The following CHRM3 variants were observed in gnomAD, a reference collection of about 807,000 sequenced individuals.
CHRM3 encodes muscarinic acetylcholine receptor M3.
Under a neutral mutation model 41.8 loss-of-function variants are expected in CHRM3, and 11 were observed. That is an observed-to-expected ratio of 0.26 (90% confidence interval 0.17 to 0.44). The LOEUF (loss-of-function observed/expected upper bound fraction) is 0.44, where lower values mean the gene tolerates loss of function less well. CHRM3 is among the 20% of genes least tolerant of loss of function. The pLI is 1.00. For synonymous variants in CHRM3, 297 were observed against 301.4 expected (o/e 0.99, Z 0.15); for missense variants, 571 against 745.4 (o/e 0.77, Z 2.72).
At chr1:239,641,249 G>T (rs1426678850) in intron 4 of CHRM3, among the ~76,000 whole-genome samples, 1 of 152,006 alleles carries the variant, frequency 6.6e-6, no homozygotes, top group Admixed American at 6.6e-5. Context: ...CTGTTGATTT[G>T]GGGTGGAGAG....
intron 1 of CHRM3, among the ~76,000 whole-genome samples, chr1:239,406,568 A>G (rs565429740): frequency 1.4e-4 from 22 of 152,146 alleles, no homozygotes; most frequent in Non-Finnish European, 2.9e-4. Context: ...CCCAAACCCC[A>G]CTACTGAGTA....
intron 4 of CHRM3, among the ~76,000 whole-genome samples, chr1:239,675,716 A>G (rs1446129950): frequency 6.6e-6 from 1 of 152,230 alleles, no homozygotes; most frequent in Non-Finnish European, 1.5e-5. Flanking sequence ...AGCATTAAAA[A>G]TATCAAATTC....
chr1:239,581,765 A>G (rs1662921213), intron 3 of CHRM3, among the ~76,000 whole-genome samples: 1 of 152,204 alleles, frequency 6.6e-6, no homozygotes, highest in Non-Finnish European at 1.5e-5. Context: ...AAGTTACAGT[A>G]TCACTTAGCA....
At chr1:239,777,300 G>C (rs1375392613) in intron 5 of CHRM3, among the ~76,000 whole-genome samples, 1 of 152,152 alleles carries the variant, frequency 6.6e-6, no homozygotes, top group South Asian at 2.1e-4. Flanking sequence ...ACTGCTGTAG[G>C]TTAGTTCATT....
chr1:239,580,704 T>TATATATATATACAC (rs570878631), intron 3 of CHRM3, among the ~76,000 whole-genome samples: 1,840 of 130,956 alleles, frequency 0.014, 71 homozygotes, highest in African/African-American at 0.05. Flanking sequence ...TATATATATA[T>TATATATATATACAC]ACACACACAC....
At chr1:239,856,437 T>C (rs1374758893) in intron 6 of CHRM3, among the ~76,000 whole-genome samples, 1 of 152,118 alleles carries the variant, frequency 6.6e-6, no homozygotes, top group East Asian at 1.9e-4. Flanking sequence ...TTTCATGCTC[T>C]CTCTCTCTCC....
chr1:239,499,356 G>A (rs1668078663), intron 2 of CHRM3, among the ~76,000 whole-genome samples: 1 of 152,104 alleles, frequency 6.6e-6, no homozygotes, highest in Non-Finnish European at 1.5e-5. Context: ...AGATATTTCA[G>A]GCAGAGGGAG....
rs1211933370 is a variant in CHRM3 at position 239,638,395 on chromosome 1, C to G, written c.-250+6109C>G. 2.0e-5 allele frequency among the ~76,000 whole-genome samples: 3 copies of G among 152,136 alleles called. No homozygotes were observed. In the East Asian group the frequency reaches 5.8e-4, roughly 29 times the overall value. On this transcript the variant is annotated intron_variant, in intron 4 of 6. Coordinates refer to ENST00000676153, the MANE Select transcript of CHRM3 (RefSeq NM_001375978.1). ...GTCCCACCAGCAGTGTAAAATTGTT[C>G]CTGTTTCTCCACATCCTCTCCAGCA...
intron 5 of CHRM3, among the ~76,000 whole-genome samples, chr1:239,736,366 G>A (rs1558498277): frequency 6.6e-6 from 1 of 151,896 alleles, no homozygotes; most frequent in East Asian, 1.9e-4. Context: ...ACAAGGTGTA[G>A]TTAAAGCCAC....
intron 3 of CHRM3, among the ~76,000 whole-genome samples, chr1:239,607,574 A>C (rs951649224): frequency 6.6e-6 from 1 of 152,188 alleles, no homozygotes; most frequent in African/African-American, 2.4e-5. Flanking sequence ...ACAAACCCTT[A>C]CTAGGCCTTT....
intron 5 of CHRM3, among the ~76,000 whole-genome samples, chr1:239,728,512 T>G (rs913855773): frequency 6.6e-6 from 1 of 152,028 alleles, no homozygotes; most frequent in African/African-American, 2.4e-5. Context: ...GCCTATATAT[T>G]GTAAGTTCAC....
At chr1:239,729,221 T>C (rs1663730261) in intron 5 of CHRM3, among the ~76,000 whole-genome samples, 1 of 151,916 alleles carries the variant, frequency 6.6e-6, no homozygotes, top group Non-Finnish European at 1.5e-5. Context: ...TAAAAAATAA[T>C]AATAATTTTG....
intron 3 of CHRM3, among the ~76,000 whole-genome samples, chr1:239,571,077 G>A (rs886997824): frequency 4.6e-5 from 7 of 152,118 alleles, no homozygotes; most frequent in South Asian, 2.1e-4. Context: ...AAAAGCTGGC[G>A]GCAATAGTGA....
rs565335096 is a variant in CHRM3 at position 239,794,058 on chromosome 1, G to A, written c.-146-33194G>A. Among the ~76,000 whole-genome samples the A allele has an allele frequency of 4.6e-5, 7 of 151,926 alleles. No individual in the cohort carries two copies. In the South Asian group the frequency reaches 1.0e-3, roughly 23 times the overall value. On this transcript the variant is annotated intron_variant, in intron 5 of 6. Transcript: ENST00000676153. ...CTTACTCAAGCAATCACCTGCCTTC[G>A]CCTCCCAAAGGGTTGGGATTACAGG...
At chr1:239,609,930 A>C (rs914059228) in intron 3 of CHRM3, among the ~76,000 whole-genome samples, 12 of 151,830 alleles carry the variant, frequency 7.9e-5, no homozygotes, top group Admixed American at 1.3e-4. Flanking sequence ...CAGTGGCTCA[A>C]GCCTGTAATC....
chr1:239,693,919 A>G (rs1010347984), intron 5 of CHRM3, among the ~76,000 whole-genome samples: 1 of 152,210 alleles, frequency 6.6e-6, no homozygotes, highest in African/African-American at 2.4e-5. Flanking sequence ...CAATATGAAT[A>G]AAAGATATGT....
intron 2 of CHRM3, among the ~76,000 whole-genome samples, chr1:239,494,607 A>G (rs1322319460): frequency 6.6e-6 from 1 of 152,048 alleles, no homozygotes; most frequent in Non-Finnish European, 1.5e-5. Context: ...GCATAGTTGA[A>G]TATATGCCCT....
Position 239,587,133 on chromosome 1 carries a change from G to A in CHRM3, c.-313+41384G>A, listed in dbSNP as rs147162096. Among the ~76,000 whole-genome samples, 911 of 152,218 alleles carry A rather than the reference G, an allele frequency of 6.0e-3. 8 individuals carry two copies. Among genetic ancestry groups the A allele is most frequent in the Admixed American group, 0.02 (312 of 15,292 alleles). On this transcript the variant is annotated intron_variant, in intron 3 of 6. Coordinates refer to ENST00000676153, the MANE Select transcript of CHRM3 (RefSeq NM_001375978.1). Reference sequence around the variant, plus strand: ...TGTCACAGGATGATCAGAAATCAGCGCGTGGTGACCTTTCTGACCACCCTC... The same window carrying A: ...TGTCACAGGATGATCAGAAATCAGCACGTGGTGACCTTTCTGACCACCCTC...
At chr1:239,853,273 G>T (rs1469990089) in intron 6 of CHRM3, among the ~76,000 whole-genome samples, 3 of 151,890 alleles carry the variant, frequency 2.0e-5, no homozygotes, top group African/African-American at 7.2e-5. Flanking sequence ...TGAAGAGTTA[G>T]AATTTCGAGT....
Sources: allele counts gnomAD v4.1 joint callset (sites outside exome capture counted in the v4.1 genomes callset), GRCh38; gene constraint gnomAD v4.1.1; transcripts MANE v1.5; gene names NCBI Gene and HGNC (gene_info 2026-07-23, HGNC 2026-07-21).